The following MCPH1 variants were observed in gnomAD, a reference collection of about 807,000 sequenced individuals.
MCPH1 encodes microcephalin.
A neutral mutation model predicts 84.5 loss-of-function variants in MCPH1; 104 were observed. That is an observed-to-expected ratio of 1.23 (90% CI 1.05 to 1.45). The LOEUF (loss-of-function observed/expected upper bound fraction) is 1.45, where lower values mean the gene tolerates loss of function less well. Among genes scored for constraint, MCPH1 ranks in the 40% most tolerant of loss-of-function variants. The pLI is 0.00. For missense variants in MCPH1, 1,498 were observed against 1,005.7 expected, an observed-to-expected ratio of 1.49 and a Z score of -6.62; for synonymous variants, 514 against 366.8, an observed-to-expected ratio of 1.40 and a Z score of -4.58.
At chr8:6,458,994 T>A (rs1351241520) in intron 9 of MCPH1, among the ~76,000 whole-genome samples, 1 of 152,174 alleles carries the variant, frequency 6.6e-6, no homozygotes, top group East Asian at 1.9e-4. Flanking sequence ...TTTGAGATCT[T>A]TTGATATGAG....
intron 9 of MCPH1, among the ~76,000 whole-genome samples, chr8:6,474,692 A>C (rs61679839): frequency 0.035 from 5,269 of 152,258 alleles, 282 homozygotes; most frequent in African/African-American, 0.12. Flanking sequence ...AGAACATGTA[A>C]AAGTAGAATA....
At chr8:6,592,178 G>C (rs1828509519) in intron 12 of MCPH1, among the ~76,000 whole-genome samples, 1 of 151,974 alleles carries the variant, frequency 6.6e-6, no homozygotes, top group Non-Finnish European at 1.5e-5. Context: ...TTTGAGACAG[G>C]ACCTTGTTCT....
chr8:6,407,084 G>A (rs552958614), intron 1 of MCPH1: 29 of 309,736 alleles, frequency 9.4e-5, no homozygotes, highest in Admixed American at 5.0e-4. Flanking sequence ...CCCCCTACCT[G>A]CTTTCACCCC....
chr8:6,485,395 C>T (rs1026303999), intron 11 of MCPH1, among the ~76,000 whole-genome samples: 19 of 152,154 alleles, frequency 1.2e-4, no homozygotes, highest in East Asian at 1.9e-4. Context: ...CTGGTAGGAC[C>T]GGGCTAGTGT....
intron 8 of MCPH1, among the ~76,000 whole-genome samples, chr8:6,451,799 A>G (rs1252506274): frequency 6.6e-6 from 1 of 152,196 alleles, no homozygotes. Context: ...AGCTTAGAAG[A>G]CATTTCTCAT....
Position 6,480,711 on chromosome 8 carries a change from C to G in MCPH1, c.1974-3C>G. ...TTTGTTAATTTTTCCCCCGATTTGA[C>G]AGAAAGCAGAATGTCGTCATCCAGG... On this transcript the variant is annotated splice_region_variant and splice_polypyrimidine_tract_variant and intron_variant, in intron 10 of 13. Coordinates refer to ENST00000344683, the MANE Select transcript of MCPH1 (RefSeq NM_024596.5). The G allele has an allele frequency of 6.2e-7, 1 of 1,614,114 alleles. No individual in the cohort carries two copies. Among genetic ancestry groups the G allele is most frequent in the Non-Finnish European group, 8.5e-7 (1 of 1,180,014 alleles).
intron 5 of MCPH1, among the ~76,000 whole-genome samples, chr8:6,437,514 C>T (rs1010786408): frequency 3.3e-5 from 5 of 152,210 alleles, no homozygotes; most frequent in Non-Finnish European, 7.3e-5. Flanking sequence ...CAGGCGTGAG[C>T]CACCGCGCCC....
intron 2 of MCPH1, among the ~76,000 whole-genome samples, chr8:6,410,174 C>G (rs1168335071): frequency 6.6e-6 from 1 of 151,488 alleles, no homozygotes; most frequent in East Asian, 1.9e-4. Flanking sequence ...CGGGGTTTCA[C>G]CATGTTGGCC....
chr8:6,549,301 C>T (rs1823167303), intron 12 of MCPH1, among the ~76,000 whole-genome samples: 1 of 152,208 alleles, frequency 6.6e-6, no homozygotes, highest in South Asian at 2.1e-4. Flanking sequence ...CTTTAACATG[C>T]ACAACAACAT....
chr8:6,514,544 C>A, intron 12 of MCPH1: 1 of 771,910 alleles, frequency 1.3e-6, no homozygotes, highest in Admixed American at 2.2e-5. Context: ...AAAGGGGAGA[C>A]TGAAGCACCA....
At chr8:6,607,660 C>T (rs1357245210) in intron 12 of MCPH1, among the ~76,000 whole-genome samples, 1 of 152,114 alleles carries the variant, frequency 6.6e-6, no homozygotes. Flanking sequence ...GCAGTTTCCC[C>T]CCATACAGTT....
intron 13 of MCPH1, chr8:6,626,933 A>T (rs963374973): frequency 4.1e-6 from 4 of 985,164 alleles, no homozygotes; most frequent in African/African-American, 1.7e-5. Context: ...GTGATAAGAC[A>T]TACATTTATG....
chr8:6,515,876 G>A lies in MCPH1; in HGVS notation c.2214+15947G>A, dbSNP rs377512646. On this transcript the variant is annotated intron_variant, in intron 12 of 13. Coordinates refer to ENST00000344683, the MANE Select transcript of MCPH1 (RefSeq NM_024596.5). ...GAGTTAGAATCCTAAAGAGGAGAGC[G>A]AAAAGAGAACCAAGAGAGTGCTATT... Among the ~76,000 whole-genome samples, 14 of 152,302 alleles carry A rather than the reference G, an allele frequency of 9.2e-5. No individual in the cohort carries two copies. The South Asian group carries it at 2.3e-3, about 25-fold the overall frequency.
Position 6,480,698 on chromosome 8 carries a change from T to A in MCPH1, c.1974-16T>A. The A allele has an allele frequency of 1.9e-6, 3 of 1,614,106 alleles. No homozygotes were observed. Among genetic ancestry groups the A allele is most frequent in the Non-Finnish European group, 2.5e-6 (3 of 1,179,992 alleles). ...CAAAGTCATTCATTTTGTTAATTTT[T>A]CCCCCGATTTGACAGAAAGCAGAAT... On this transcript the variant is annotated splice_polypyrimidine_tract_variant and intron_variant, in intron 10 of 13. Transcript: ENST00000344683.
chr8:6,458,762 A>AG (rs1805966676), intron 9 of MCPH1, among the ~76,000 whole-genome samples: 2 of 152,072 alleles, frequency 1.3e-5, no homozygotes, highest in Non-Finnish European at 2.9e-5. Context: ...CTCCTGCCCC[A>AG]GCCTCCTTAG....
chr8:6,406,755 C>T (rs1234296578), intron 1 of MCPH1, 66 bp downstream of exon 1: 3 of 1,569,260 alleles, frequency 1.9e-6, no homozygotes, highest in Admixed American at 1.7e-5. Flanking sequence ...TCGTCGCGGG[C>T]GCACTCGGGG....
intron 12 of MCPH1, chr8:6,507,716 G>C (rs1350718802): frequency 6.6e-6 from 1 of 151,548 alleles, no homozygotes. Flanking sequence ...AGGAGTAGCT[G>C]GGATTACAGG....
chr8:6,514,514 C>G (rs112576748), intron 12 of MCPH1, among the ~76,000 whole-genome samples: 9 of 152,056 alleles, frequency 5.9e-5, no homozygotes, highest in African/African-American at 1.9e-4. Context: ...ATACAGTTTA[C>G]CTTATATTGG....
intron 3 of MCPH1, among the ~76,000 whole-genome samples, chr8:6,421,047 G>C (rs1179350764): frequency 6.6e-6 from 1 of 152,336 alleles, no homozygotes; most frequent in East Asian, 1.9e-4. Context: ...CTTTTCCGCA[G>C]TTCTTCCCTT....
Sources: allele counts gnomAD v4.1 joint callset (sites outside exome capture counted in the v4.1 genomes callset), GRCh38; gene constraint gnomAD v4.1.1; transcripts MANE v1.5; gene names NCBI Gene and HGNC (gene_info 2026-07-23, HGNC 2026-07-21).